The following GANC variants were observed in gnomAD, a reference collection of about 807,000 sequenced individuals.
The protein encoded by GANC is neutral alpha-glucosidase C.
A neutral mutation model predicts 124.2 loss-of-function variants in GANC; 117 were observed. That is an observed-to-expected ratio of 0.94 (90% CI 0.81 to 1.10). GANC has a LOEUF of 1.10. Among genes scored for constraint, GANC ranks in the 50% least tolerant of loss-of-function variants. The pLI, the probability that GANC is intolerant of heterozygous loss-of-function variation, is 0.00. For missense variants in GANC, 1,140 were observed against 1,095.0 expected, an observed-to-expected ratio of 1.04 and a Z score of -0.58; for synonymous variants, 377 against 376.8, an observed-to-expected ratio of 1.00 and a Z score of -0.01.
chr15:42,305,446 C>A (rs1013987182), intron 6 of GANC, among the ~76,000 whole-genome samples: 1 of 152,272 alleles, frequency 6.6e-6, no homozygotes, highest in Admixed American at 6.5e-5. Context: ...AGTCAGGAAA[C>A]AACAGATGCT....
intron 10 of GANC, among the ~76,000 whole-genome samples, chr15:42,312,667 C>T (rs754901036): frequency 2.0e-5 from 3 of 152,194 alleles, no homozygotes; most frequent in Non-Finnish European, 2.9e-5. Context: ...TGCCCAGGCA[C>T]GGTGGCCCAT....
At chr15:42,340,440 C>T (rs147395643) in intron 17 of GANC, among the ~76,000 whole-genome samples, 2,527 of 151,932 alleles carry the variant, frequency 0.017, 71 homozygotes, top group African/African-American at 0.059. Flanking sequence ...AACCCTGTCT[C>T]TAAAAATACA....
In GANC at chr15:42,329,305, G is replaced by T. The variant is rs1422205569; in HGVS notation, c.1501-1G>T. On this transcript the variant is annotated splice_acceptor_variant, in intron 13 of 23. Transcript: ENST00000318010. LOFTEE classifies it high-confidence loss of function. Reference sequence around the variant, plus strand: ...TGTCATGACCAAGGTTTACTTCCTAGGGATCTACGGACATCCTCTTCCTTT... The same window carrying T: ...TGTCATGACCAAGGTTTACTTCCTATGGATCTACGGACATCCTCTTCCTTT... The T allele has an allele frequency of 3.1e-6, 5 of 1,611,384 alleles. No homozygotes were observed. Among genetic ancestry groups the T allele is most frequent in the Non-Finnish European group, 4.2e-6 (5 of 1,178,964 alleles).
At position 42,318,079 on chromosome 15, in the gene GANC, C is replaced by A. The variant is rs539587719; in HGVS notation, c.1058-3706C>A. On this transcript the variant is annotated intron_variant, in intron 10 of 23. Coordinates refer to ENST00000318010, the MANE Select transcript of GANC (RefSeq NM_198141.3). Reference sequence around the variant, plus strand: ...TTACTTTATCCAGTCTACTTCTTTCCCTGGAGACTTCCTTCCCTACCAGAG... The same window carrying A: ...TTACTTTATCCAGTCTACTTCTTTCACTGGAGACTTCCTTCCCTACCAGAG... Among the ~76,000 whole-genome samples, 6 of 152,226 alleles carry A rather than the reference C, an allele frequency of 3.9e-5. No individual in the cohort carries two copies. The East Asian group carries it at 1.2e-3, about 29-fold the overall frequency.
intron 3 of GANC, among the ~76,000 whole-genome samples, chr15:42,282,087 C>T (rs931509927): frequency 1.3e-5 from 2 of 152,154 alleles, no homozygotes. Flanking sequence ...CTTTGGTAGG[C>T]CGAGGCGGGC....
At chr15:42,345,896 G>A (rs2052359606) in intron 20 of GANC, 64 bp downstream of exon 20, 1 of 1,118,892 alleles carries the variant, frequency 8.9e-7, no homozygotes, top group African/African-American at 1.6e-5. Context: ...GGGCTGCCAT[G>A]ACAAAATACC....
rs113404849 is a variant in GANC at position 42,301,018 on chromosome 15, CAA to C, written c.558+3374_558+3375del. On this transcript the variant is annotated intron_variant, in intron 6 of 23. Coordinates refer to ENST00000318010, the MANE Select transcript of GANC (RefSeq NM_198141.3). ...GGGCAACAAGAGTGAAACTCCATCT[CAA>C]AAAAAAAAAAAGAAAGAAAGAAAGA... 5.0e-5 allele frequency among the ~76,000 whole-genome samples: 7 copies of C among 140,116 alleles called. No homozygotes were observed. The East Asian group carries it at 1.0e-3, about 21-fold the overall frequency. The allele number at this position is 140,116 out of a possible 152,430, so 91.9% of individuals were successfully genotyped here. A position where few individuals can be genotyped will look rare whatever the true frequency, so the allele number is the denominator to read the frequency against.
rs572172128 is a variant in GANC at position 42,316,322 on chromosome 15, G to T, written c.1058-5463G>T. Among the ~76,000 whole-genome samples the T allele has an allele frequency of 1.4e-4, 21 of 152,226 alleles. No homozygotes were observed. The South Asian group carries it at 4.4e-3, about 32-fold the overall frequency. The stretch of plus-strand genomic sequence containing the variant: ...CCCAGGGGACCACTACCACCAAGAC[G>T]CGGAGACTGGTAGTGGCCCTGAATG... On this transcript the variant is annotated intron_variant, in intron 10 of 23. Transcript: ENST00000318010.
chr15:42,314,829 A>G (rs988783665), intron 10 of GANC: 1 of 152,274 alleles, frequency 6.6e-6, no homozygotes, highest in African/African-American at 2.4e-5. Flanking sequence ...TTGTGGCCTT[A>G]CTTACACTAC....
At chr15:42,292,638 A>C (rs939482722) in intron 4 of GANC, 97 bp from the exon 5 acceptor site, 55 of 1,203,316 alleles carry the variant, frequency 4.6e-5, no homozygotes, top group Non-Finnish European at 6.1e-5. Flanking sequence ...ATGTCACATG[A>C]ATATTGATTT....
At chr15:42,304,425 C>A (rs1221506575) in intron 6 of GANC, among the ~76,000 whole-genome samples, 1 of 152,160 alleles carries the variant, frequency 6.6e-6, no homozygotes, top group Non-Finnish European at 1.5e-5. Flanking sequence ...TAAAGGACCT[C>A]TTCAAGGAGA....
intron 10 of GANC, among the ~76,000 whole-genome samples, chr15:42,313,421 A>G (rs1462598161): frequency 1.3e-5 from 2 of 152,340 alleles, no homozygotes; most frequent in Non-Finnish European, 2.9e-5. Context: ...TTTGTGCATC[A>G]AAGAACATAA....
Position 42,344,393 on chromosome 15 carries a change from T to G in GANC, c.2229+1239T>G, listed in dbSNP as rs141255798. ...CAGTCTCGCCTATCTTCATGTTGCC[T>G]TTTCCTCTGTGTGTCTCTGTCTATC... is the stretch of plus-strand genomic sequence containing the variant. On this transcript the variant is annotated intron_variant, in intron 19 of 23. Transcript: ENST00000318010. 9.5e-3 allele frequency among the ~76,000 whole-genome samples: 1,452 copies of G among 152,212 alleles called. 3 individuals carry two copies. The highest frequency in any genetic ancestry group is 0.013 in the Non-Finnish European group (893 of 67,996).
intron 3 of GANC, among the ~76,000 whole-genome samples, chr15:42,279,555 A>C (rs11631917): frequency 0.71 from 108,208 of 152,122 alleles, 41,690 homozygotes; most frequent in Non-Finnish European, 0.86. Context: ...GTTACTTTAG[A>C]TGGGCCAGTC....
intron 6 of GANC, among the ~76,000 whole-genome samples, chr15:42,306,331 T>A (rs2051995069): frequency 6.6e-6 from 1 of 152,202 alleles, no homozygotes; most frequent in African/African-American, 2.4e-5. Flanking sequence ...AAAAAACATA[T>A]TTATGTCAGC....
chr15:42,324,760 C>T (rs1566957968), intron 11 of GANC, among the ~76,000 whole-genome samples: 1 of 152,000 alleles, frequency 6.6e-6, no homozygotes, highest in East Asian at 1.9e-4. Context: ...TTCATAGAGA[C>T]AGAAAGTATT....
intron 9 of GANC, 97 bp downstream of exon 9, chr15:42,310,560 C>G: frequency 6.9e-7 from 1 of 1,457,832 alleles, no homozygotes; most frequent in Non-Finnish European, 9.2e-7. Context: ...CACTTCTCTG[C>G]CAACAAAAGC....
chr15:42,287,674 C>T lies in GANC; in HGVS notation c.202-17C>T. On this transcript the variant is annotated splice_polypyrimidine_tract_variant and intron_variant, in intron 3 of 23. Coordinates refer to ENST00000318010, the MANE Select transcript of GANC (RefSeq NM_198141.3). ...TTGGGTAACCTGTTGAAGGTAATCT[C>T]TTGTATCTGTTTCCAGGTTCCTCTC... 1.9e-6 allele frequency: 3 copies of T among 1,607,966 alleles called. No homozygotes were observed. Among genetic ancestry groups the T allele is most frequent in the African/African-American group, 1.3e-5 (1 of 74,570 alleles).
At chr15:42,300,035 A>G (rs1397860443) in intron 6 of GANC, among the ~76,000 whole-genome samples, 1 of 152,220 alleles carries the variant, frequency 6.6e-6, no homozygotes, top group Non-Finnish European at 1.5e-5. Context: ...AGACAATACC[A>G]TTCAGGACAT....
Sources: allele counts gnomAD v4.1 joint callset (sites outside exome capture counted in the v4.1 genomes callset), GRCh38; gene constraint gnomAD v4.1.1; transcripts MANE v1.5; gene names NCBI Gene and HGNC (gene_info 2026-07-23, HGNC 2026-07-21).